The following DAB1 variants were observed in gnomAD, a reference collection of about 807,000 sequenced individuals.
The protein encoded by DAB1 is disabled homolog 1.
DAB1 carries 15 observed loss-of-function variants against 64.6 expected under a neutral mutation model. The observed-to-expected ratio is 0.23, with a 90% CI of 0.16 to 0.36. The LOEUF (loss-of-function observed/expected upper bound fraction) is 0.36, where lower values mean the gene tolerates loss of function less well. Among genes scored for constraint, DAB1 ranks in the 10% least tolerant of loss-of-function variants. The probability of loss-of-function intolerance (pLI) is 1.00; values close to 1 mark genes in which losing one functional copy is unlikely to be tolerated. For missense variants in DAB1, 596 were observed against 706.7 expected (o/e 0.84, Z 1.78); for synonymous variants, 235 against 251.9 (o/e 0.93, Z 0.64).
intron 6 of DAB1, among the ~76,000 whole-genome samples, chr1:57,796,557 A>AATC (rs902799678): frequency 1.3e-5 from 2 of 149,432 alleles, no homozygotes; most frequent in Non-Finnish European, 3.0e-5. Context: ...TAATAATAAT[A>AATC]ATAATCATAA....
upstream of DAB1, among the ~76,000 whole-genome samples, chr1:57,428,717 T>C (rs1053951611): frequency 6.6e-6 from 1 of 152,082 alleles, no homozygotes; most frequent in African/African-American, 2.4e-5. Context: ...GTTCTATTTT[T>C]AGTTTTTGAA....
At chr1:58,079,554 G>T (rs1472771663) in intron 5 of DAB1, among the ~76,000 whole-genome samples, 1 of 112,672 alleles carries the variant, frequency 8.9e-6, no homozygotes, top group Non-Finnish European at 1.6e-5. Context: ...ATGGAGTCTC[G>T]CTCTGTCGCC....
intron 3 of DAB1, among the ~76,000 whole-genome samples, chr1:58,410,309 A>G (rs1228194362): frequency 6.6e-6 from 1 of 152,152 alleles, no homozygotes; most frequent in Non-Finnish European, 1.5e-5. Flanking sequence ...TTCAGATAAC[A>G]ATTTTATAGT....
chr1:57,008,200 G>A (rs1183471940), intron 14 of DAB1, among the ~76,000 whole-genome samples: 1 of 152,192 alleles, frequency 6.6e-6, no homozygotes, highest in Non-Finnish European at 1.5e-5. Context: ...GCCCAAACCA[G>A]GGCCATTCTG....
chr1:58,448,860 G>A (rs918925385), intron 3 of DAB1, among the ~76,000 whole-genome samples: 1 of 152,206 alleles, frequency 6.6e-6, no homozygotes, highest in African/African-American at 2.4e-5. Context: ...GAGTACAGCA[G>A]GGCTAAAGAA....
intron 1 of DAB1, among the ~76,000 whole-genome samples, chr1:57,343,649 G>T (rs1012125152): frequency 6.6e-6 from 1 of 152,220 alleles, no homozygotes; most frequent in Non-Finnish European, 1.5e-5. Context: ...TGCTGGCCTA[G>T]GTGCTAAGCC....
downstream of DAB1, among the ~76,000 whole-genome samples, chr1:57,822,206 A>T (rs1652151981): frequency 6.6e-6 from 1 of 152,218 alleles, no homozygotes; most frequent in South Asian, 2.1e-4. Flanking sequence ...TAAATGTTTC[A>T]TAGTGTTGGA....
chr1:57,376,720 A>G (rs1243878109), intron 1 of DAB1, among the ~76,000 whole-genome samples: 1 of 152,256 alleles, frequency 6.6e-6, no homozygotes, highest in Non-Finnish European at 1.5e-5. Context: ...GAGTGACTGG[A>G]TGAATGAACA....
At chr1:57,942,762 A>G (rs1645123586) in intron 5 of DAB1, among the ~76,000 whole-genome samples, 1 of 152,180 alleles carries the variant, frequency 6.6e-6, no homozygotes, top group African/African-American at 2.4e-5. Flanking sequence ...ATGGCACAGA[A>G]CAGAGCAACC....
At chr1:58,528,964 C>A (rs1324579484) in intron 1 of DAB1, among the ~76,000 whole-genome samples, 2 of 152,154 alleles carry the variant, frequency 1.3e-5, no homozygotes, top group Non-Finnish European at 2.9e-5. Context: ...TAAATGTTAT[C>A]TTTCTTATGA....
At chr1:58,229,924 G>C (rs1305284198) in intron 4 of DAB1, among the ~76,000 whole-genome samples, 1 of 152,176 alleles carries the variant, frequency 6.6e-6, no homozygotes, top group African/African-American at 2.4e-5. Context: ...GGACCACACA[G>C]ACAGATAGTG....
At chr1:57,731,748 T>C (rs1647433065) in intron 6 of DAB1, among the ~76,000 whole-genome samples, 2 of 151,216 alleles carry the variant, frequency 1.3e-5, no homozygotes, top group Admixed American at 6.6e-5. Context: ...GAGGTTGCAG[T>C]AAGCCGAGAT....
chr1:57,041,428 G>A (rs1647777313), intron 9 of DAB1, among the ~76,000 whole-genome samples: 1 of 152,136 alleles, frequency 6.6e-6, no homozygotes, highest in South Asian at 2.1e-4. Context: ...GCCACAACAA[G>A]GGTACCAGGC....
intron 7 of DAB1, among the ~76,000 whole-genome samples, chr1:57,548,441 C>A (rs902399850): frequency 1.3e-5 from 2 of 152,116 alleles, no homozygotes; most frequent in African/African-American, 4.8e-5. Context: ...ATCCCTACTG[C>A]ACCAACAGAG....
chr1:57,001,118 C>G (rs1389383681), intron 14 of DAB1, among the ~76,000 whole-genome samples: 2 of 152,148 alleles, frequency 1.3e-5, no homozygotes, highest in African/African-American at 4.8e-5. Flanking sequence ...ATAGCTGTAC[C>G]TTCCTTATTA....
chr1:57,847,589 C>T (rs1357266357), intron 1 of DAB1, among the ~76,000 whole-genome samples: 1 of 151,896 alleles, frequency 6.6e-6, no homozygotes, highest in Non-Finnish European at 1.5e-5. Context: ...ACAAAACAAA[C>T]AAAAAGAAAG....
intron 1 of DAB1, among the ~76,000 whole-genome samples, chr1:57,303,460 C>T (rs1378424573): frequency 6.6e-6 from 1 of 152,178 alleles, no homozygotes; most frequent in Non-Finnish European, 1.5e-5. Context: ...GCAGAAAGAA[C>T]TACATCCAAG....
chr1:57,456,408 G>T (rs1040573006), intron 7 of DAB1, among the ~76,000 whole-genome samples: 1 of 152,106 alleles, frequency 6.6e-6, no homozygotes, highest in Non-Finnish European at 1.5e-5. Flanking sequence ...TGCAGATGTT[G>T]TTGGCTTTGA....
chr1:57,658,754 GA>G (rs1377403007), intron 6 of DAB1, among the ~76,000 whole-genome samples: 3 of 152,050 alleles, frequency 2.0e-5, no homozygotes, highest in Non-Finnish European at 4.4e-5. Context: ...TTTTTTAGTA[GA>G]GATGAGGTTT....
Sources: allele counts gnomAD v4.1 joint callset (sites outside exome capture counted in the v4.1 genomes callset), GRCh38; gene constraint gnomAD v4.1.1; transcripts MANE v1.5; gene names NCBI Gene and HGNC (gene_info 2026-07-23, HGNC 2026-07-21).